Variants in IRF7 observed in about 807,000 individuals in gnomAD.
IRF7 encodes the protein interferon regulatory factor 7.
In IRF7, 67 loss-of-function variants were observed where a neutral mutation model predicts 51.3. That is an observed-to-expected ratio of 1.31 (90% CI 1.07 to 1.60). The LOEUF (loss-of-function observed/expected upper bound fraction) is 1.60. Ranked by LOEUF, IRF7 falls within the 40% of genes most tolerant of loss-of-function variation. The pLI is 0.00. For synonymous variants in IRF7, 427 were observed against 301.3 expected, an observed-to-expected ratio of 1.42 and a Z score of -4.32; for missense variants, 873 against 701.5, an observed-to-expected ratio of 1.24 and a Z score of -2.76.
At chr11:613,904 C>A in intron 7 of IRF7, 39 bp from the exon 8 acceptor site, 2 of 1,599,068 alleles carry the variant, frequency 1.3e-6, no homozygotes, top group Non-Finnish European at 8.5e-7. Context: ...CACCTCATCC[C>A]TAGCCTCTCC....
At position 612,896 on chromosome 11, in the gene IRF7, C is replaced by T. The variant is rs1043809692; in HGVS notation, c.1357-96G>A. ...GGGCGTCGGGCGTCTGTCAGTGACCCGGTGTATGGCCTCCCCTCCCCCTCT... is the reference window on the plus strand; with the variant it reads ...GGGCGTCGGGCGTCTGTCAGTGACCTGGTGTATGGCCTCCCCTCCCCCTCT... On this transcript the variant is annotated intron_variant, in intron 10 of 10. Coordinates refer to ENST00000525445, the MANE Select transcript of IRF7 (RefSeq NM_001572.5). The T allele has an allele frequency of 3.4e-5, 54 of 1,587,102 alleles. No individual in the cohort carries two copies. The East Asian group carries it at 4.9e-4, about 15-fold the overall frequency.
In IRF7 at chr11:615,560, T is replaced by A; in HGVS notation, c.-196A>T. On this transcript the variant is annotated 5_prime_UTR_variant, in exon 2 of 11. Transcript: ENST00000525445. ...ATCTCTTGGCAGAGGGGGCTACAGGTGTGACTGCAGGTGTGGCCGGCGCGC... is the reference window on the plus strand; with the variant it reads ...ATCTCTTGGCAGAGGGGGCTACAGGAGTGACTGCAGGTGTGGCCGGCGCGC... 1 of 555,672 alleles carries A rather than the reference T, an allele frequency of 1.8e-6. No individual in the cohort carries two copies. The allele number at this position is 555,672 out of a possible 1,614,324, so 34.4% of individuals were successfully genotyped here.
In IRF7 at chr11:615,548, G is replaced by C. The variant is rs1015520011; in HGVS notation, c.-184C>G. On this transcript the variant is annotated 5_prime_UTR_variant, in exon 2 of 11. Transcript: ENST00000525445. ...GCCTCGGTATGGATCTCTTGGCAGA[G>C]GGGGCTACAGGTGTGACTGCAGGTG... 2 of 618,508 alleles carry C rather than the reference G, an allele frequency of 3.2e-6. No homozygotes were observed. The highest frequency in any genetic ancestry group is 5.3e-6 in the Non-Finnish European group (2 of 374,706). 38.3% of individuals were successfully genotyped at this position (618,508 alleles called of 1,614,324 possible).
rs1279450756 is a variant in IRF7 at position 615,024 on chromosome 11, AAC to A, written c.184-19_184-18del. The A allele has an allele frequency of 1.3e-6, 2 of 1,547,480 alleles. No homozygotes were observed. Among genetic ancestry groups the A allele is most frequent in the East Asian group, 4.6e-5 (2 of 43,212 alleles). On this transcript the variant is annotated intron_variant, in intron 3 of 10. Coordinates refer to ENST00000525445, the MANE Select transcript of IRF7 (RefSeq NM_001572.5). ...AGCCCAGGCCTGAAGAGGGGGACAGAACACGTGTGCCGGGCCCGCGGGGTCCT... is the reference window on the plus strand; with the variant it reads ...AGCCCAGGCCTGAAGAGGGGGACAGAACGTGTGCCGGGCCCGCGGGGTCCT...
intron 4 of IRF7, 46 bp downstream of exon 4, chr11:614,751 C>T (rs924696727): frequency 2.0e-6 from 3 of 1,505,526 alleles, no homozygotes; most frequent in Non-Finnish European, 2.7e-6. Flanking sequence ...TCCCCTTTGC[C>T]CAAGCAGGAC....
Position 615,233 on chromosome 11 carries a change from T to A in IRF7, c.47A>T (p.Glu16Val). ...GCTGCTGATCTCTCCAAGGAGCCAC[T>A]CTCCGAACAGCACGCGTGGGGCTGC... Reference protein sequence around the residue: ...ERAAPRVLFGEWLLGEISSGC... With the variant: ...ERAAPRVLFGVWLLGEISSGC... Residue 16 changes from glutamate to valine, a missense_variant, in exon 3 of 11, where the codon GAG (glutamate) becomes GTG (valine). Glu to Val is a moderately radical substitution (Grantham distance 121, BLOSUM62 -2). Transcript: ENST00000525445. The A allele has an allele frequency of 6.3e-7, 1 of 1,591,544 alleles. No homozygotes were observed. Among genetic ancestry groups the A allele is most frequent in the Non-Finnish European group, 8.5e-7 (1 of 1,173,456 alleles).
chr11:615,540 T>G lies in IRF7; in HGVS notation c.-176A>C. The G allele has an allele frequency of 4.3e-5, 28 of 649,432 alleles. No homozygotes were observed. The highest frequency in any genetic ancestry group is 1.2e-4 in the East Asian group (4 of 33,544). 40.2% of individuals were successfully genotyped at this position (649,432 alleles called of 1,614,324 possible). On this transcript the variant is annotated 5_prime_UTR_variant, in exon 2 of 11. Coordinates refer to ENST00000525445, the MANE Select transcript of IRF7 (RefSeq NM_001572.5). ...CCGACGCTGCCTCGGTATGGATCTC[T>G]TGGCAGAGGGGGCTACAGGTGTGAC... is the stretch of plus-strand genomic sequence containing the variant.
rs759270303 is a variant in IRF7 at position 613,008 on chromosome 11, G to C, written c.1347C>G (p.Val449=). The change falls in exon 10 of 11, where the codon GTC becomes GTG. Residue 449 remains valine (V), a synonymous_variant. Transcript: ENST00000525445. ...GAGGCTCTGGTCTCACCTTCACCAG[G>C]ACCAGGCTCTTCTCCTTGGGCCTCC... is the stretch of plus-strand genomic sequence containing the variant. ...SAGRPKEKSL[V]LVKLEPWLCR... 3 of 1,613,070 alleles carry C rather than the reference G, an allele frequency of 1.9e-6. No individual in the cohort carries two copies. Among genetic ancestry groups the C allele is most frequent in the Non-Finnish European group, 2.5e-6 (3 of 1,179,914 alleles).
intron 4 of IRF7, 74 bp from the exon 5 acceptor site, chr11:614,608 C>T: frequency 3.3e-6 from 5 of 1,516,384 alleles, no homozygotes; most frequent in Admixed American, 2.0e-5. Context: ...GTGTAGCCCC[C>T]ACCAGCTTCC....
chr11:613,407 T>C lies in IRF7; in HGVS notation c.1036A>G (p.Thr346Ala), dbSNP rs1227478459. 1 of 1,581,772 alleles carries C rather than the reference T, an allele frequency of 6.3e-7. No individual in the cohort carries two copies. Among genetic ancestry groups the C allele is most frequent in the East Asian group, 2.2e-5 (1 of 44,518 alleles). ...GCCACGTGCCGCAGCAGTTCCTCCG[T>C]GTAGCGCAGCTGCTTCTGGTCCGGG... ...ELPDQKQLRY[T>A]EELLRHVAPG... is the part of the protein sequence containing the mutation. Residue 346 changes from threonine to alanine, a missense_variant, in exon 9 of 11, where the codon ACG becomes GCG. Thr to Ala is a moderately conservative substitution (Grantham distance 58). Coordinates refer to ENST00000525445, the MANE Select transcript of IRF7 (RefSeq NM_001572.5).
Position 613,941 on chromosome 11 carries a change from C to A in IRF7, c.766+10G>T. 1 of 1,604,736 alleles carries A rather than the reference C, an allele frequency of 6.2e-7. No homozygotes were observed. Among genetic ancestry groups the A allele is most frequent in the Middle Eastern group, 1.7e-4 (1 of 6,032 alleles). ...TGTGCCCCAGGCCTCCCAACCCCTA[C>A]CCCTCTCACCTGTCGTTAGTGCCGC... On this transcript the variant is annotated intron_variant, in intron 7 of 10. Transcript: ENST00000525445.
chr11:615,550 G>A lies in IRF7; in HGVS notation c.-186C>T. ...CTCGGTATGGATCTCTTGGCAGAGG[G>A]GGCTACAGGTGTGACTGCAGGTGTG... is the stretch of plus-strand genomic sequence containing the variant. On this transcript the variant is annotated 5_prime_UTR_variant, in exon 2 of 11. Coordinates refer to ENST00000525445, the MANE Select transcript of IRF7 (RefSeq NM_001572.5). The A allele has an allele frequency of 3.3e-6, 2 of 609,808 alleles. No homozygotes were observed. The highest frequency in any genetic ancestry group is 3.0e-5 in the East Asian group (1 of 33,114). 37.8% of individuals were successfully genotyped at this position (609,808 alleles called of 1,614,324 possible).
Position 615,642 on chromosome 11 carries a change from C to T in IRF7, c.-278G>A. ...CCAGGCCTGGCGGGAAGGCGCAGGC[C>T]GGACCCTGCGGAGACGGGAAAGGCG... On this transcript the variant is annotated 5_prime_UTR_variant, in exon 2 of 11. Transcript: ENST00000525445. The T allele has an allele frequency of 4.9e-6, 2 of 407,316 alleles. No homozygotes were observed. The allele number at this position is 407,316 out of a possible 1,614,324, so 25.2% of individuals were successfully genotyped here. A position where few individuals can be genotyped will look rare whatever the true frequency, so the allele number is the denominator to read the frequency against.
At chr11:615,711 A>G (rs952963810) in intron 1 of IRF7, 64 bp from the exon 2 acceptor site, 27 of 350,852 alleles carry the variant, frequency 7.7e-5, no homozygotes, top group African/African-American at 5.7e-4. Flanking sequence ...AAACCTAAAC[A>G]GTGGCGCTTC....
intron 6 of IRF7, 53 bp from the exon 7 acceptor site, chr11:614,090 C>T (rs930167852): frequency 7.0e-6 from 11 of 1,580,328 alleles, no homozygotes; most frequent in African/African-American, 1.4e-5. Context: ...TCTCCAGCTC[C>T]CCAATCCCCA....
intron 6 of IRF7, 22 bp downstream of exon 6, chr11:614,152 C>A: frequency 1.2e-6 from 2 of 1,606,290 alleles, no homozygotes; most frequent in African/African-American, 1.3e-5. Context: ...CGCGCTCCCC[C>A]CCTCCCCGGG....
At position 615,385 on chromosome 11, in the gene IRF7, T is replaced by A; in HGVS notation, c.-21A>T. The A allele has an allele frequency of 6.7e-7, 1 of 1,489,724 alleles. No homozygotes were observed. The highest frequency in any genetic ancestry group is 8.9e-7 in the Non-Finnish European group (1 of 1,125,858). The allele number at this position is 1,489,724 out of a possible 1,614,324, so 92.3% of individuals were successfully genotyped here. A position where few individuals can be genotyped will look rare whatever the true frequency, so the allele number is the denominator to read the frequency against. ...GCCATTGCTCCTTCTGCAGGGGCAG[T>A]TAGGTGGCGGTCAGGTGTTATAACA... On this transcript the variant is annotated 5_prime_UTR_variant, in exon 2 of 11. Transcript: ENST00000525445.
At position 614,719 on chromosome 11, in the gene IRF7, A is replaced by T. The variant is rs1564884405; in HGVS notation, c.394+78T>A. On this transcript the variant is annotated intron_variant, in intron 4 of 10. Transcript: ENST00000525445. The stretch of plus-strand genomic sequence containing the variant: ...CTCTCCCAGAACAGCTTCTAAAACC[A>T]CAAATCTGACCCAGAGAATGTTCCC... 6.8e-6 allele frequency: 10 copies of T among 1,465,482 alleles called. No homozygotes were observed. The East Asian group carries it at 2.5e-4, about 36-fold the overall frequency. The allele number at this position is 1,465,482 out of a possible 1,614,324, so 90.8% of individuals were successfully genotyped here.
At chr11:612,971 C>T (rs748115929) in intron 10 of IRF7, 28 bp downstream of exon 10, 1 of 1,608,074 alleles carries the variant, frequency 6.2e-7, no homozygotes, top group South Asian at 1.1e-5. Context: ...GAGCACATGG[C>T]CTCCCCTCCT....
Sources: gnomAD v4.1 joint callset for allele counts on GRCh38, gnomAD v4.1.1 for gene constraint, MANE v1.5 for transcripts, NCBI Gene and HGNC (gene_info 2026-07-23, HGNC 2026-07-21) for gene names.